The following ALDH2 variants were observed in gnomAD, a reference collection of about 807,000 sequenced individuals.
The protein encoded by ALDH2 is aldehyde dehydrogenase, mitochondrial.
A neutral mutation model predicts 59.6 loss-of-function variants in ALDH2; 44 were observed. That is an observed-to-expected ratio of 0.74 (90% CI 0.58 to 0.95). The LOEUF is 0.95. Ranked by LOEUF, ALDH2 falls within the 40% of genes least tolerant of loss-of-function variation. The pLI is 0.00. For missense variants in ALDH2, 570 were observed against 696.3 expected (o/e 0.82, Z 2.04); for synonymous variants, 291 against 284.0 (o/e 1.02, Z -0.25).
chr12:111,799,789 T>C (rs576422402), intron 10 of ALDH2, 117 bp from the exon 11 acceptor site: 1 of 1,265,534 alleles, frequency 7.9e-7, no homozygotes, highest in African/African-American at 1.5e-5. Context: ...CCTGGAACTG[T>C]TAGAGCATGG....
At chr12:111,792,205 C>G (rs754048687) in intron 8 of ALDH2, 42 bp downstream of exon 8, 39 of 1,441,366 alleles carry the variant, frequency 2.7e-5, no homozygotes, top group Non-Finnish European at 2.2e-5. Context: ...GAAGGTAGCC[C>G]TGGCCACCTG....
intron 12 of ALDH2, among the ~76,000 whole-genome samples, chr12:111,808,050 G>T (rs2068511087): frequency 6.6e-6 from 1 of 151,802 alleles, no homozygotes; most frequent in Admixed American, 6.6e-5. Context: ...CTAATTTTTT[G>T]TATTTGTAGA....
chr12:111,774,905 C>T (rs2068224423), intron 1 of ALDH2, among the ~76,000 whole-genome samples: 1 of 152,164 alleles, frequency 6.6e-6, no homozygotes, highest in Non-Finnish European at 1.5e-5. Context: ...ATCCTGTTAC[C>T]CTCTAACTCA....
Position 111,791,384 on chromosome 12 carries a change from G to T in ALDH2, c.760G>T (p.Asp254Tyr). Residue 254 changes from aspartate (D) to tyrosine (Y), a missense_variant, in exon 7 of 13, where the codon GAT becomes TAT. Transcript: ENST00000261733. ...TAGAAIASHEDVDKVAFTGST... is the reference protein window; with the variant it reads ...TAGAAIASHEYVDKVAFTGST... ...TGGGGCCGCCATTGCCTCCCATGAG[G>T]ATGTGGACAAAGTGGCATTCACAGG... 1 of 1,614,110 alleles carries T rather than the reference G, an allele frequency of 6.2e-7. No homozygotes were observed. The highest frequency in any genetic ancestry group is 2.2e-5 in the East Asian group (1 of 44,880).
rs145077856 is a variant in ALDH2 at position 111,792,124 on chromosome 12, G to A, written c.859G>A (p.Gly287Arg). The change falls in exon 8 of 13, where the codon GGG becomes AGG. Residue 287 changes from glycine (G) to arginine (R), a missense_variant. Gly to Arg is a moderately radical substitution (Grantham distance 125). Transcript: ENST00000261733. ...SNLKRVTLEL[G>R]GKSPNIIMSD... ...CCTCAAGAGAGTGACCTTGGAGCTGGGGGGGAAGAGCCCCAACATCATCAT... is the reference window on the plus strand; with the variant it reads ...CCTCAAGAGAGTGACCTTGGAGCTGAGGGGGAAGAGCCCCAACATCATCAT... 3.0e-5 allele frequency: 48 copies of A among 1,607,816 alleles called. No individual in the cohort carries two copies. The highest frequency in any genetic ancestry group is 2.9e-4 in the East Asian group (13 of 44,870).
At position 111,816,334 on chromosome 12, in the gene ALDH2, G is replaced by C. The variant is rs1032562249; in HGVS notation, c.*6759G>C. 1.3e-5 allele frequency: 2 copies of C among 152,214 alleles called. No homozygotes were observed. The highest frequency in any genetic ancestry group is 2.4e-5 in the African/African-American group (1 of 41,436). The allele number at this position is 152,214 out of a possible 1,614,324, so 9.4% of individuals were successfully genotyped here. On this transcript the variant is annotated 3_prime_UTR_variant, in exon 13 of 13. Transcript: ENST00000261733. ...ATTGGGTAAAGGAGATAGGGAGAAG[G>C]GGGGGTGGTTGTCGGTCAGCAGCTT...
intron 11 of ALDH2, among the ~76,000 whole-genome samples, chr12:111,802,945 C>A (rs1222371833): frequency 6.6e-6 from 1 of 150,976 alleles, no homozygotes; most frequent in Admixed American, 6.6e-5. Context: ...GTAATCCCAG[C>A]ATTTTGGGAG....
intron 5 of ALDH2, 115 bp from the exon 6 acceptor site, chr12:111,790,319 C>A: frequency 7.3e-7 from 1 of 1,363,554 alleles, no homozygotes. Flanking sequence ...GGGGAGGACA[C>A]GCAGGGTTCA....
At position 111,792,849 on chromosome 12, in the gene ALDH2, G is replaced by A. The variant is rs957569648; in HGVS notation, c.1083+67G>A. The A allele has an allele frequency of 4.0e-5, 59 of 1,481,512 alleles. No individual in the cohort carries two copies. The South Asian group carries it at 6.6e-4, about 16-fold the overall frequency. 91.8% of individuals were successfully genotyped at this position (1,481,512 alleles called of 1,614,324 possible). On this transcript the variant is annotated intron_variant, in intron 9 of 12. Coordinates refer to ENST00000261733, the MANE Select transcript of ALDH2 (RefSeq NM_000690.4). Reference sequence around the variant, plus strand: ...GCATGAGAAGCAGAGAGGGCATCGGGCTCAGATCAGTTGGGACTGGGTTCA... The same window carrying A: ...GCATGAGAAGCAGAGAGGGCATCGGACTCAGATCAGTTGGGACTGGGTTCA...
chr12:111,784,262 T>C (rs960609436), intron 3 of ALDH2, among the ~76,000 whole-genome samples: 2 of 152,144 alleles, frequency 1.3e-5, no homozygotes, highest in African/African-American at 4.8e-5. Context: ...TGCAGTGAGC[T>C]GTTGTGGTGC....
Position 111,783,091 on chromosome 12 carries a change from C to T in ALDH2, c.220-67C>T, listed in dbSNP as rs929577687. On this transcript the variant is annotated intron_variant, in intron 2 of 12. Transcript: ENST00000261733. ...ATGACCTTCTGGATGTGTTTGTATT[C>T]GGACCTGGTTATTACTGAGAAGACC... 1.8e-5 allele frequency: 28 copies of T among 1,554,120 alleles called. No individual in the cohort carries two copies. In the African/African-American group the frequency reaches 2.2e-4, roughly 12 times the overall value.
At position 111,812,553 on chromosome 12, in the gene ALDH2, G is replaced by A. The variant is rs1341394093; in HGVS notation, c.*2978G>A. On this transcript the variant is annotated 3_prime_UTR_variant, in exon 13 of 13. Transcript: ENST00000261733. The stretch of plus-strand genomic sequence containing the variant: ...TATAGGATGATATTACTTCTAGGAA[G>A]ATTTTCTATGTATGGAGGGTGCATC... 1 of 152,122 alleles carries A rather than the reference G, an allele frequency of 6.6e-6. No homozygotes were observed. Among genetic ancestry groups the A allele is most frequent in the African/African-American group, 2.4e-5 (1 of 41,420 alleles). 9.4% of individuals were successfully genotyped at this position (152,122 alleles called of 1,614,324 possible).
rs2068550338 is a variant in ALDH2 at position 111,813,476 on chromosome 12, T to C, written c.*3901T>C. The C allele has an allele frequency of 6.6e-6, 1 of 152,114 alleles. No individual in the cohort carries two copies. The highest frequency in any genetic ancestry group is 6.6e-5 in the Admixed American group (1 of 15,258). 9.4% of individuals were successfully genotyped at this position (152,114 alleles called of 1,614,324 possible). A position where few individuals can be genotyped will look rare whatever the true frequency, so the allele number is the denominator to read the frequency against. On this transcript the variant is annotated 3_prime_UTR_variant, in exon 13 of 13. Coordinates refer to ENST00000261733, the MANE Select transcript of ALDH2 (RefSeq NM_000690.4). Reference sequence around the variant, plus strand: ...GACCAGGATCACATACTGGAAAGAATTGAAAACAGAGACTCCCAACAAAAA... The same window carrying C: ...GACCAGGATCACATACTGGAAAGAACTGAAAACAGAGACTCCCAACAAAAA...
chr12:111,807,044 A>G (rs1191259845), intron 12 of ALDH2, among the ~76,000 whole-genome samples: 1 of 152,062 alleles, frequency 6.6e-6, no homozygotes, highest in Non-Finnish European at 1.5e-5. Flanking sequence ...AGGTGGGCGA[A>G]TCACAAGGTC....
chr12:111,785,346 G>A lies in ALDH2; in HGVS notation c.440G>A (p.Arg147Gln), dbSNP rs371993659. The A allele has an allele frequency of 9.9e-6, 16 of 1,612,500 alleles. No individual in the cohort carries two copies. Among genetic ancestry groups the A allele is most frequent in the Admixed American group, 6.7e-5 (4 of 59,972 alleles). ...TTGGACATGGTCCTCAAATGTCTCC[G>A]GTATGGGCTCAGCTTTCCTGTTCTT... ...VDLDMVLKCL[R>Q]YYAGWADKYH... Residue 147 changes from arginine (R) to glutamine (Q), a missense_variant and splice_region_variant, in exon 4 of 13, where the codon CGG becomes CAG. Arg to Gln is a conservative substitution (Grantham distance 43, BLOSUM62 1). Coordinates refer to ENST00000261733, the MANE Select transcript of ALDH2 (RefSeq NM_000690.4).
At chr12:111,796,992 C>T (rs2068410265) in intron 9 of ALDH2, among the ~76,000 whole-genome samples, 3 of 144,488 alleles carry the variant, frequency 2.1e-5, no homozygotes, top group South Asian at 2.2e-4. Flanking sequence ...GAGACGAAGT[C>T]TCTGTTGCCA....
intron 1 of ALDH2, among the ~76,000 whole-genome samples, chr12:111,771,470 A>C (rs1186570527): frequency 6.6e-6 from 1 of 152,222 alleles, no homozygotes; most frequent in Non-Finnish European, 1.5e-5. Context: ...CTCGAGCTCC[A>C]TTGGGAAATA....
At chr12:111,776,838 C>A (rs1000450162) in intron 1 of ALDH2, among the ~76,000 whole-genome samples, 3 of 152,056 alleles carry the variant, frequency 2.0e-5, no homozygotes, top group African/African-American at 7.2e-5. Context: ...GCAAGTGACA[C>A]CATGCCCAGC....
Position 111,799,898 on chromosome 12 carries a change from C to T in ALDH2, c.1249-8C>T, listed in dbSNP as rs774697819. The T allele has an allele frequency of 1.9e-6, 3 of 1,612,046 alleles. No homozygotes were observed. The highest frequency in any genetic ancestry group is 2.2e-5 in the South Asian group (2 of 90,778). The stretch of plus-strand genomic sequence containing the variant: ...GCCGAACCCTCCTACGCTGCTCTCT[C>T]ACTCCAGATCTTCGGGCCAGTGATG... On this transcript the variant is annotated splice_region_variant and splice_polypyrimidine_tract_variant and intron_variant, in intron 10 of 12. Transcript: ENST00000261733.
Sources: gnomAD v4.1 joint callset for allele counts (sites outside exome capture counted in the v4.1 genomes callset) on GRCh38, gnomAD v4.1.1 for gene constraint, MANE v1.5 for transcripts, NCBI Gene and HGNC (gene_info 2026-07-23, HGNC 2026-07-21) for gene names.